Variants in UBE2E1 observed in about 807,000 individuals in gnomAD.
The protein encoded by UBE2E1 is ubiquitin conjugating enzyme E2 E1.
UBE2E1 carries 6 observed loss-of-function variants against 21.4 expected under a neutral mutation model. The observed-to-expected ratio is 0.28, with a 90% CI of 0.15 to 0.55. UBE2E1 has a LOEUF of 0.55. Among genes scored for constraint, UBE2E1 ranks in the 20% least tolerant of loss-of-function variants. The probability of loss-of-function intolerance (pLI) is 0.93; values close to 1 mark genes in which losing one functional copy is unlikely to be tolerated. For missense variants in UBE2E1, 142 were observed against 236.5 expected, an observed-to-expected ratio of 0.60 and a Z score of 2.62; for synonymous variants, 87 against 82.7, an observed-to-expected ratio of 1.05 and a Z score of -0.28.
Position 23,813,364 on chromosome 3 carries a change from AT to A in UBE2E1, c.203+1856del, listed in dbSNP as rs748777959. Reference sequence around the variant, plus strand: ...CAGTGGGGCCGTTTGAGTAATGTGAATTAAAATTTTTACTTTTGGTTGGCTA... The same window carrying A: ...CAGTGGGGCCGTTTGAGTAATGTGAATAAAATTTTTACTTTTGGTTGGCTA... On this transcript the variant is annotated intron_variant, in intron 3 of 5. Transcript: ENST00000306627. Among the ~76,000 whole-genome samples the A allele has an allele frequency of 2.0e-5, 3 of 152,166 alleles. No homozygotes were observed. In the East Asian group the frequency reaches 5.8e-4, roughly 29 times the overall value.
At chr3:23,872,952 G>A (rs927165417) in intron 3 of UBE2E1, among the ~76,000 whole-genome samples, 4 of 152,102 alleles carry the variant, frequency 2.6e-5, no homozygotes, top group Admixed American at 2.6e-4. Flanking sequence ...GGGAGGCAGA[G>A]GTTGCAGTGA....
At chr3:23,886,966 G>T (rs918714440) in intron 3 of UBE2E1, among the ~76,000 whole-genome samples, 2 of 152,160 alleles carry the variant, frequency 1.3e-5, no homozygotes, top group African/African-American at 4.8e-5. Flanking sequence ...AATGTCTCAA[G>T]TATTAGTATT....
chr3:23,853,197 T>C lies in UBE2E1; in HGVS notation c.204-34370T>C, dbSNP rs1700364104. Among the ~76,000 whole-genome samples, 1 of 152,236 alleles carries C rather than the reference T, an allele frequency of 6.6e-6. No homozygotes were observed. The highest frequency in any genetic ancestry group is 2.1e-4 in the South Asian group (1 of 4,836). On this transcript the variant is annotated intron_variant, in intron 3 of 5. Transcript: ENST00000306627. The surrounding 1 kb of genome is among the most constrained non-coding windows in gnomAD (Gnocchi z 4.1). ...CGTGAGCCACCGCGCCCAGCTGCCT[T>C]ATTTCTTTTTCTTGCTGTAATTCAC... is the stretch of plus-strand genomic sequence containing the variant.
chr3:23,806,992 A>C lies in UBE2E1; in HGVS notation c.-33-245A>C. 6 of 268,988 alleles carry C rather than the reference A, an allele frequency of 2.2e-5. No homozygotes were observed. The highest frequency in any genetic ancestry group is 6.5e-5 in the East Asian group (1 of 15,386). 16.7% of individuals were successfully genotyped at this position (268,988 alleles called of 1,614,324 possible). On this transcript the variant is annotated intron_variant, in intron 1 of 5. Transcript: ENST00000306627. This position sits in a 1 kb window ranked among gnomAD's most constrained non-coding sequence, Gnocchi z 6.5. ...GCCCAGCGGAGAGCCCCGGGGGGCG[A>C]GGGAGGGGCCTCTCTCCTAGCTCCA...
intron 3 of UBE2E1, among the ~76,000 whole-genome samples, chr3:23,878,317 G>T (rs1259565782): frequency 1.3e-5 from 2 of 152,218 alleles, no homozygotes; most frequent in Non-Finnish European, 2.9e-5. Flanking sequence ...AATCAGACCA[G>T]AGAAAACCTA....
chr3:23,852,921 T>G (rs1700356336), intron 3 of UBE2E1, among the ~76,000 whole-genome samples: 1 of 151,956 alleles, frequency 6.6e-6, no homozygotes, highest in African/African-American at 2.4e-5. Context: ...TGTTTTGTTT[T>G]TTTTTTTGTT....
At chr3:23,831,033 GC>G (rs1559479499) in intron 3 of UBE2E1, among the ~76,000 whole-genome samples, 1 of 152,138 alleles carries the variant, frequency 6.6e-6, no homozygotes, top group Admixed American at 6.5e-5. Context: ...TGGCTTCAGG[GC>G]CGATACTCAA....
chr3:23,890,453 A>G (rs1163544410), intron 5 of UBE2E1, 56 bp from the exon 6 acceptor site: 80 of 1,561,630 alleles, frequency 5.1e-5, no homozygotes, highest in Non-Finnish European at 6.5e-5. Flanking sequence ...ACTATTCGCT[A>G]AAGTTTAAAA....
chr3:23,889,899 A>AAT (rs568620691), intron 5 of UBE2E1: 282 of 181,458 alleles, frequency 1.6e-3, no homozygotes, highest in African/African-American at 5.8e-3. Context: ...TGTCTCAAAA[A>AAT]ATATATATAT....
At chr3:23,856,304 A>G (rs1216209481) in intron 3 of UBE2E1, among the ~76,000 whole-genome samples, 1 of 152,232 alleles carries the variant, frequency 6.6e-6, no homozygotes, top group East Asian at 1.9e-4. Context: ...CTGGGATTAC[A>G]GGCATGAGCC....
At position 23,842,195 on chromosome 3, in the gene UBE2E1, A is replaced by AGGGG. The variant is rs35613446; in HGVS notation, c.203+30686_203+30689dup. On this transcript the variant is annotated intron_variant, in intron 3 of 5. Transcript: ENST00000306627. This position sits in a 1 kb window ranked among gnomAD's most constrained non-coding sequence, Gnocchi z 4.6. ...AACTATGTCATGACCCAGTAAGTGA[A>AGGGG]GGGGTGTGTGTGTGTGTGTGTGTGT... is the stretch of plus-strand genomic sequence containing the variant. Among the ~76,000 whole-genome samples the AGGGG allele has an allele frequency of 1.3e-3, 51 of 39,434 alleles. No homozygotes were observed. The highest frequency in any genetic ancestry group is 2.5e-3 in the Non-Finnish European group (38 of 15,030). The allele number at this position is 39,434 out of a possible 152,430, so 25.9% of individuals were successfully genotyped here. A position where few individuals can be genotyped will look rare whatever the true frequency, so the allele number is the denominator to read the frequency against.
intron 3 of UBE2E1, among the ~76,000 whole-genome samples, chr3:23,875,722 T>C (rs1575034388): frequency 6.6e-6 from 1 of 152,198 alleles, no homozygotes; most frequent in South Asian, 2.1e-4. Context: ...ATATATCCCC[T>C]ATTTAGCCCC....
intron 3 of UBE2E1, among the ~76,000 whole-genome samples, chr3:23,875,066 C>G (rs368712512): frequency 6.6e-6 from 1 of 152,166 alleles, no homozygotes. Flanking sequence ...TAACTTAACC[C>G]TTTACTTACA....
rs1391497554 is a variant in UBE2E1, at chr3:23,810,722, G to A, written c.153-738G>A. The stretch of plus-strand genomic sequence containing the variant: ...CGGGAGAGGAGAGCTGGGGCGGCGC[G>A]GAGCAGCCCCCGTGCGGGCACCCTG... On this transcript the variant is annotated intron_variant, in intron 2 of 5. Coordinates refer to ENST00000306627, the MANE Select transcript of UBE2E1 (RefSeq NM_003341.5). The surrounding 1 kb of genome is among the most constrained non-coding windows in gnomAD (Gnocchi z 5.8). 3 of 457,162 alleles carry A rather than the reference G, an allele frequency of 6.6e-6. No individual in the cohort carries two copies. Among genetic ancestry groups the A allele is most frequent in the African/African-American group, 4.2e-5 (2 of 47,574 alleles). 28.3% of individuals were successfully genotyped at this position (457,162 alleles called of 1,614,324 possible). A position where few individuals can be genotyped will look rare whatever the true frequency, so the allele number is the denominator to read the frequency against.
At chr3:23,860,305 T>C (rs1447392458) in intron 3 of UBE2E1, among the ~76,000 whole-genome samples, 1 of 152,236 alleles carries the variant, frequency 6.6e-6, no homozygotes, top group African/African-American at 2.4e-5. Flanking sequence ...CTAAATTAGC[T>C]GTTCGGCTAG....
At position 23,816,902 on chromosome 3, in the gene UBE2E1, G is replaced by A. The variant is rs1157218632; in HGVS notation, c.203+5392G>A. Among the ~76,000 whole-genome samples the A allele has an allele frequency of 7.2e-5, 11 of 152,140 alleles. No homozygotes were observed. The highest frequency in any genetic ancestry group is 6.5e-4 in the Admixed American group (10 of 15,276). On this transcript the variant is annotated intron_variant, in intron 3 of 5. Coordinates refer to ENST00000306627, the MANE Select transcript of UBE2E1 (RefSeq NM_003341.5). This position sits in a 1 kb window ranked among gnomAD's most constrained non-coding sequence, Gnocchi z 4.8. ...ACAGTTTCTTTTTGAGGTGGTGAAA[G>A]TTTTGGAAATAATGGTGATGGTTGC...
chr3:23,872,989 C>T (rs1030301798), intron 3 of UBE2E1, among the ~76,000 whole-genome samples: 3 of 152,076 alleles, frequency 2.0e-5, no homozygotes, highest in African/African-American at 4.8e-5. Context: ...TGCACTCCAG[C>T]CTGGGCAACA....
intron 3 of UBE2E1, among the ~76,000 whole-genome samples, chr3:23,886,885 T>C (rs1279355436): frequency 6.6e-6 from 1 of 152,232 alleles, no homozygotes; most frequent in African/African-American, 2.4e-5. Flanking sequence ...TAGAATGGTA[T>C]TGTGGCCAAA....
intron 3 of UBE2E1, among the ~76,000 whole-genome samples, chr3:23,854,326 G>A (rs896863411): frequency 1.3e-5 from 2 of 151,658 alleles, no homozygotes; most frequent in African/African-American, 2.4e-5. Context: ...CTGAACTGAT[G>A]AGAGATATAC....
Sources: allele counts gnomAD v4.1 joint callset (sites outside exome capture counted in the v4.1 genomes callset), GRCh38; gene constraint gnomAD v4.1.1; non-coding constraint Gnocchi (gnomAD v3.1); transcripts MANE v1.5; gene names NCBI Gene and HGNC (gene_info 2026-07-23, HGNC 2026-07-21).